BOC: variants seen among roughly 807,000 people sequenced by gnomAD.
BOC encodes the protein brother of CDO.
BOC carries 76 observed loss-of-function variants against 112.0 expected under a neutral mutation model. The observed-to-expected ratio is 0.68, with a 90% CI of 0.56 to 0.82. The LOEUF (loss-of-function observed/expected upper bound fraction) is 0.82, where lower values mean the gene tolerates loss of function less well. Ranked by LOEUF, BOC falls within the 40% of genes least tolerant of loss-of-function variation. The pLI is 0.00. For synonymous variants in BOC, 580 were observed against 599.8 expected (o/e 0.97, Z 0.48); for missense variants, 1,309 against 1,511.7 (o/e 0.87, Z 2.22).
In BOC at chr3:113,278,005, CTT is replaced by C; in HGVS notation, c.1543-89_1543-88del. On this transcript the variant is annotated intron_variant, in intron 9 of 19. Transcript: ENST00000682979. The surrounding 1 kb of genome is among the most constrained non-coding windows in gnomAD (Gnocchi z 4.2). ...ATCGTCCTTCCCCTTCTCCTGCCCT[CTT>C]GGGCTCAGCGCTGCTTTCTTTGTAA... is the stretch of plus-strand genomic sequence containing the variant. 1 of 1,511,632 alleles carries C rather than the reference CTT, an allele frequency of 6.6e-7. No homozygotes were observed. The highest frequency in any genetic ancestry group is 1.2e-5 in the South Asian group (1 of 81,312). 93.6% of individuals were successfully genotyped at this position (1,511,632 alleles called of 1,614,324 possible). A position where few individuals can be genotyped will look rare whatever the true frequency, so the allele number is the denominator to read the frequency against.
intron 13 of BOC, 44 bp downstream of exon 13, chr3:113,280,049 C>A: frequency 1.3e-6 from 2 of 1,542,560 alleles, no homozygotes; most frequent in Admixed American, 1.8e-5. Flanking sequence ...ACGGCCTCCC[C>A]TAAATGCCCT....
Position 113,274,107 on chromosome 3 carries a change from C to T in BOC, c.1235-268C>T, listed in dbSNP as rs181030753. ...GAGTTAGTTCACTGGAGATGCACCT[C>T]ACGTGGATTCAGGAGTTTGCTTGCC... On this transcript the variant is annotated intron_variant, in intron 8 of 19. Transcript: ENST00000682979. This position sits in a 1 kb window ranked among gnomAD's most constrained non-coding sequence, Gnocchi z 4.8. 6.6e-6 allele frequency among the ~76,000 whole-genome samples: 1 copy of T among 152,330 alleles called. No individual in the cohort carries two copies. Among genetic ancestry groups the T allele is most frequent in the Non-Finnish European group, 1.5e-5 (1 of 68,030 alleles).
At chr3:113,213,231 G>A (rs916804652) in intron 1 of BOC, among the ~76,000 whole-genome samples, 1 of 152,204 alleles carries the variant, frequency 6.6e-6, no homozygotes, top group Non-Finnish European at 1.5e-5. Flanking sequence ...TTTTGACCCA[G>A]AGTTACCTCT....
chr3:113,279,496 A>C (rs756082158), intron 12 of BOC, 41 bp downstream of exon 12: 4 of 1,584,870 alleles, frequency 2.5e-6, no homozygotes, highest in Non-Finnish European at 3.4e-6. Context: ...CTGATCCCCC[A>C]GCTGCCCCTT....
chr3:113,283,737 T>A (rs1247858686), intron 16 of BOC, 105 bp downstream of exon 16: 1 of 1,103,360 alleles, frequency 9.1e-7, no homozygotes, highest in Non-Finnish European at 1.3e-6. Flanking sequence ...CAAGCCCAAG[T>A]CCCCCAAAGG....
intron 1 of BOC, among the ~76,000 whole-genome samples, chr3:113,214,550 T>A (rs1292765789): frequency 6.6e-6 from 1 of 152,188 alleles, no homozygotes; most frequent in Non-Finnish European, 1.5e-5. Context: ...GTGCACCAAA[T>A]AATTGCTATC....
chr3:113,274,251 C>A lies in BOC; in HGVS notation c.1235-124C>A. On this transcript the variant is annotated intron_variant, in intron 8 of 19. Transcript: ENST00000682979. The surrounding 1 kb of genome is among the most constrained non-coding windows in gnomAD (Gnocchi z 4.8). ...TGGCTGGGCAGCACAGAGTGGGTGG[C>A]GGTACAGCTGATGGTGGGCCCAGGT... 1.2e-6 allele frequency: 1 copy of A among 863,070 alleles called. No individual in the cohort carries two copies. The highest frequency in any genetic ancestry group is 1.7e-6 in the Non-Finnish European group (1 of 594,366). The allele number at this position is 863,070 out of a possible 1,614,324, so 53.5% of individuals were successfully genotyped here.
intron 2 of BOC, among the ~76,000 whole-genome samples, chr3:113,242,988 G>T: frequency 6.6e-6 from 1 of 152,174 alleles, no homozygotes; most frequent in South Asian, 2.1e-4. Flanking sequence ...TGGCAGTGGT[G>T]CCTTCGGTCT....
intron 13 of BOC, 142 bp from the exon 14 acceptor site, chr3:113,280,416 G>A (rs1335948366): frequency 9.1e-6 from 6 of 656,082 alleles, no homozygotes; most frequent in Non-Finnish European, 1.4e-5. Context: ...AGAACCTCAG[G>A]GATATCATTA....
Position 113,287,035 on chromosome 3 carries a change from C to G in BOC, c.*173C>G, listed in dbSNP as rs1234433528. 10 of 800,946 alleles carry G rather than the reference C, an allele frequency of 1.2e-5. No homozygotes were observed. Among genetic ancestry groups the G allele is most frequent in the Non-Finnish European group, 2.0e-5 (10 of 494,026 alleles). The allele number at this position is 800,946 out of a possible 1,614,324, so 49.6% of individuals were successfully genotyped here. ...ATAATTCTGGAGAGACATAAGGAGT[C>G]CTACCCGTTGAGGTTGGAGAGGGAA... On this transcript the variant is annotated 3_prime_UTR_variant, in exon 20 of 20. Coordinates refer to ENST00000682979, the MANE Select transcript of BOC (RefSeq NM_001378074.1).
Position 113,285,026 on chromosome 3 carries a change from G to A in BOC, c.2966+168G>A, listed in dbSNP as rs1424537431. Among the ~76,000 whole-genome samples, 3 of 152,242 alleles carry A rather than the reference G, an allele frequency of 2.0e-5. No individual in the cohort carries two copies. In the South Asian group the frequency reaches 6.2e-4, roughly 31 times the overall value. On this transcript the variant is annotated intron_variant, in intron 18 of 19. Transcript: ENST00000682979. ...ACCATTGCCCTAATAGGCAGTTGTT[G>A]CATTTGCAATTGCGATGCCCTTTCT...
At chr3:113,256,560 A>G (rs1946246213) in intron 4 of BOC, among the ~76,000 whole-genome samples, 1 of 152,150 alleles carries the variant, frequency 6.6e-6, no homozygotes, top group Non-Finnish European at 1.5e-5. Context: ...AACAGAAGCT[A>G]TGTCTCTTTG....
chr3:113,254,357 G>C (rs182442457), intron 4 of BOC, among the ~76,000 whole-genome samples: 32 of 152,174 alleles, frequency 2.1e-4, no homozygotes, highest in Non-Finnish European at 1.6e-4. Flanking sequence ...GAGGGAGTTG[G>C]TGGAGTGGAA....
At chr3:113,250,512 T>C (rs781348719) in intron 3 of BOC, 43 bp from the exon 4 acceptor site, 3 of 1,553,986 alleles carry the variant, frequency 1.9e-6, no homozygotes, top group Non-Finnish European at 2.6e-6. Flanking sequence ...TGTTGTTTTC[T>C]TGGGGGCATC....
intron 12 of BOC, 29 bp downstream of exon 12, chr3:113,279,484 G>A (rs1948984416): frequency 6.2e-7 from 1 of 1,601,640 alleles, no homozygotes; most frequent in East Asian, 2.2e-5. Flanking sequence ...CGTGGCCTTG[G>A]CCTGATCCCC....
At chr3:113,252,178 A>T (rs577287851) in intron 4 of BOC, among the ~76,000 whole-genome samples, 1 of 152,342 alleles carries the variant, frequency 6.6e-6, no homozygotes, top group South Asian at 2.1e-4. Flanking sequence ...CAGGAAGCTT[A>T]AAGAACTGCC....
intron 19 of BOC, among the ~76,000 whole-genome samples, chr3:113,286,155 C>A (rs1036464310): frequency 6.6e-6 from 1 of 152,150 alleles, no homozygotes; most frequent in African/African-American, 2.4e-5. Context: ...CACCAAGTAT[C>A]CACTAACGTT....
chr3:113,244,873 G>C (rs962709123), intron 2 of BOC, among the ~76,000 whole-genome samples: 1 of 152,174 alleles, frequency 6.6e-6, no homozygotes, highest in Non-Finnish European at 1.5e-5. Context: ...CTTTGAAACC[G>C]TTTCTAGCCA....
intron 3 of BOC, among the ~76,000 whole-genome samples, chr3:113,250,261 C>T (rs1055863428): frequency 5.3e-5 from 8 of 152,310 alleles, no homozygotes; most frequent in Non-Finnish European, 1.0e-4. Context: ...AGGTAAGAAA[C>T]GGACACTTCA....
Sources: allele counts gnomAD v4.1 joint callset (sites outside exome capture counted in the v4.1 genomes callset), GRCh38; gene constraint gnomAD v4.1.1; non-coding constraint Gnocchi (gnomAD v3.1); transcripts MANE v1.5; gene names NCBI Gene and HGNC (gene_info 2026-07-23, HGNC 2026-07-21).